The following AGBL1 variants were observed in gnomAD, a reference collection of about 807,000 sequenced individuals.
AGBL1 encodes the protein AGBL carboxypeptidase 1.
Under a neutral mutation model 118.9 loss-of-function variants are expected in AGBL1, and 130 were observed. The ratio of observed to expected loss-of-function variants is 1.09; its 90% confidence interval spans 0.95 to 1.26. The LOEUF is 1.26. AGBL1 is among the 50% of genes most tolerant of loss of function. AGBL1 has a pLI of 0.00. For missense variants in AGBL1, 1,584 were observed against 1,298.1 expected, an observed-to-expected ratio of 1.22 and a Z score of -3.38; for synonymous variants, 555 against 478.9, an observed-to-expected ratio of 1.16 and a Z score of -2.08.
At position 86,613,828 on chromosome 15, in the gene AGBL1, T is replaced by C. The variant is rs2084688290; in HGVS notation, c.2994+59291T>C. On this transcript the variant is annotated intron_variant, in intron 21 of 22. Transcript: ENST00000614907. The surrounding 1 kb of genome is among the most constrained non-coding windows in gnomAD (Gnocchi z 4.2). ...TACTGAATTAGAATATGTAGCATAG[T>C]AAGATTCTTGAGTGATCTATATGCA... Among the ~76,000 whole-genome samples, 1 of 152,314 alleles carries C rather than the reference T, an allele frequency of 6.6e-6. No individual in the cohort carries two copies. The highest frequency in any genetic ancestry group is 1.5e-5 in the Non-Finnish European group (1 of 68,036).
intron 22 of AGBL1, among the ~76,000 whole-genome samples, chr15:86,722,189 G>A (rs1353238196): frequency 1.1e-4 from 16 of 152,162 alleles, no homozygotes; most frequent in Non-Finnish European, 2.1e-4. Flanking sequence ...AAGAGAGCCC[G>A]CATTGCCAAG....
At chr15:86,494,749 A>G (rs2082826077) in intron 18 of AGBL1, among the ~76,000 whole-genome samples, 1 of 152,072 alleles carries the variant, frequency 6.6e-6, no homozygotes, top group African/African-American at 2.4e-5. Context: ...ACTCTAGAAC[A>G]TTGACCTTTA....
chr15:86,741,196 G>C (rs2077672523), intron 22 of AGBL1, among the ~76,000 whole-genome samples: 1 of 151,602 alleles, frequency 6.6e-6, no homozygotes, highest in Non-Finnish European at 1.5e-5. Context: ...ATAGTACAGA[G>C]GACTTTTCGT....
chr15:86,957,311 A>G (rs998154140), intron 23 of AGBL1, among the ~76,000 whole-genome samples: 2 of 152,148 alleles, frequency 1.3e-5, no homozygotes, highest in Non-Finnish European at 2.9e-5. Context: ...CATTTCCTCT[A>G]TCATCACATT....
At chr15:86,628,556 G>A (rs2084921117) in intron 21 of AGBL1, among the ~76,000 whole-genome samples, 2 of 152,096 alleles carry the variant, frequency 1.3e-5, no homozygotes, top group South Asian at 2.1e-4. Flanking sequence ...CAGCCCTTTG[G>A]GAGGCCGAGG....
intron 24 of AGBL1, among the ~76,000 whole-genome samples, chr15:87,007,334 C>T (rs2081515269): frequency 6.6e-6 from 1 of 152,114 alleles, no homozygotes; most frequent in Admixed American, 6.6e-5. Flanking sequence ...TTAGATACAG[C>T]AGCAAAATAA....
At chr15:86,982,783 A>G (rs1275414775) in intron 23 of AGBL1, among the ~76,000 whole-genome samples, 1 of 152,196 alleles carries the variant, frequency 6.6e-6, no homozygotes, top group Admixed American at 6.5e-5. Flanking sequence ...AATAAGTGTT[A>G]ACTGTTTTTG....
At chr15:86,957,447 G>A (rs1243671078) in intron 23 of AGBL1, among the ~76,000 whole-genome samples, 1 of 151,746 alleles carries the variant, frequency 6.6e-6, no homozygotes, top group Admixed American at 6.6e-5. Flanking sequence ...AAATCTCAGG[G>A]AATCCATAAA....
chr15:86,539,281 A>T (rs1339877604), intron 19 of AGBL1, among the ~76,000 whole-genome samples: 1 of 152,202 alleles, frequency 6.6e-6, no homozygotes, highest in Non-Finnish European at 1.5e-5. Flanking sequence ...TTAATCTGGA[A>T]ATCAAGGAGT....
At chr15:86,960,106 T>C (rs1280965843) in intron 23 of AGBL1, among the ~76,000 whole-genome samples, 2 of 152,148 alleles carry the variant, frequency 1.3e-5, no homozygotes, top group Non-Finnish European at 2.9e-5. Flanking sequence ...TGAAAACAAA[T>C]GAAAATGTAA....
At chr15:86,577,225 T>G (rs947394781) in intron 21 of AGBL1, among the ~76,000 whole-genome samples, 4 of 152,154 alleles carry the variant, frequency 2.6e-5, no homozygotes, top group African/African-American at 9.7e-5. Context: ...AGGACCTTGT[T>G]GTGAACTGGA....
chr15:86,944,810 G>C (rs1469575264), intron 23 of AGBL1, among the ~76,000 whole-genome samples: 1 of 151,920 alleles, frequency 6.6e-6, no homozygotes, highest in Admixed American at 6.6e-5. Context: ...ATTTTCTTAA[G>C]GGCAATAAGT....
At chr15:86,139,189 C>T (rs983752387) in intron 1 of AGBL1, among the ~76,000 whole-genome samples, 8 of 152,112 alleles carry the variant, frequency 5.3e-5, no homozygotes, top group African/African-American at 7.2e-5. Flanking sequence ...GCCCAAAGCT[C>T]CCAGTGGAGA....
chr15:86,166,707 C>A (rs796244330), intron 5 of AGBL1, among the ~76,000 whole-genome samples: 1 of 152,278 alleles, frequency 6.6e-6, no homozygotes, highest in South Asian at 2.1e-4. Context: ...GTGAGCAGAT[C>A]TTTCCCATTG....
intron 21 of AGBL1, among the ~76,000 whole-genome samples, chr15:86,566,977 T>C (rs1320165521): frequency 6.6e-6 from 1 of 152,156 alleles, no homozygotes; most frequent in Non-Finnish European, 1.5e-5. Context: ...TCCTACTTCA[T>C]GGAGATGCTA....
At chr15:86,517,992 T>A (rs2083142647) in intron 18 of AGBL1, among the ~76,000 whole-genome samples, 1 of 152,172 alleles carries the variant, frequency 6.6e-6, no homozygotes, top group Non-Finnish European at 1.5e-5. Flanking sequence ...AGCTGCTGCC[T>A]AAATCTCAAA....
chr15:86,756,142 C>G (rs1392062794), intron 22 of AGBL1, among the ~76,000 whole-genome samples: 1 of 149,724 alleles, frequency 6.7e-6, no homozygotes, highest in Non-Finnish European at 1.5e-5. Flanking sequence ...GTAATATTAG[C>G]ATTTGATGCC....
chr15:86,334,342 T>C (rs2080325087), intron 17 of AGBL1, among the ~76,000 whole-genome samples: 2 of 152,056 alleles, frequency 1.3e-5, no homozygotes, highest in South Asian at 4.2e-4. Context: ...AAAATCAATG[T>C]ACAAAAATCA....
chr15:86,555,104 A>G (rs1389644097), intron 21 of AGBL1, among the ~76,000 whole-genome samples: 2 of 152,202 alleles, frequency 1.3e-5, no homozygotes, highest in South Asian at 2.1e-4. Context: ...GTGCTCTTGT[A>G]TAAATCACAT....
Sources: allele counts gnomAD v4.1 joint callset (sites outside exome capture counted in the v4.1 genomes callset), GRCh38; gene constraint gnomAD v4.1.1; non-coding constraint Gnocchi (gnomAD v3.1); transcripts MANE v1.5; gene names NCBI Gene and HGNC (gene_info 2026-07-23, HGNC 2026-07-21).